Variants in SPATA24 observed in about 807,000 individuals in gnomAD.
SPATA24 encodes the protein spermatogenesis associated 24.
In SPATA24, 21 loss-of-function variants were observed where a neutral mutation model predicts 28.9. The observed-to-expected ratio is 0.73, with a 90% CI of 0.52 to 1.05. The LOEUF (loss-of-function observed/expected upper bound fraction) is 1.05, where lower values mean the gene tolerates loss of function less well. SPATA24 is among the 50% of genes least tolerant of loss of function. The pLI, the probability that SPATA24 is intolerant of heterozygous loss-of-function variation, is 0.00. For missense variants in SPATA24, 215 were observed against 242.9 expected (o/e 0.88, Z 0.76); for synonymous variants, 76 against 89.9 (o/e 0.85, Z 0.88).
chr5:139,404,050 G>A lies in SPATA24; in HGVS notation c.11C>T (p.Pro4Leu), dbSNP rs1488201240. 2.6e-6 allele frequency: 4 copies of A among 1,551,568 alleles called. No individual in the cohort carries two copies. The highest frequency in any genetic ancestry group is 2.4e-5 in the South Asian group (2 of 84,058). ...TGACCCCGCCTTCGACCACCCGAGG[G>A]GCGTCGCCATCTTCCGCCCCCGCCA... is the stretch of plus-strand genomic sequence containing the variant. MAT[P>L]LGWSKAGSGS... The change falls in exon 1 of 6, where the codon CCC becomes CTC. Residue 4 changes from proline to leucine, a missense_variant. Physicochemically the swap from Pro to Leu is moderately conservative, Grantham distance 98 (BLOSUM62 -3). Coordinates refer to ENST00000450845, the MANE Select transcript of SPATA24 (RefSeq NM_194296.2).
Position 139,401,854 on chromosome 5 carries a change from G to A in SPATA24, c.315-29C>T, listed in dbSNP as rs773640297. On this transcript the variant is annotated intron_variant, in intron 3 of 5. Transcript: ENST00000450845. ...GGTGGGGAAGATAAGATGGGAGGGT[G>A]GGCAGGCTAGCAAGCAGATGCATCC... is the stretch of plus-strand genomic sequence containing the variant. 1.9e-5 allele frequency: 30 copies of A among 1,547,360 alleles called. No homozygotes were observed. In the Admixed American group the frequency reaches 5.5e-4, roughly 28 times the overall value.
chr5:139,401,466 A>G (rs1758819502), intron 4 of SPATA24: 1 of 618,704 alleles, frequency 1.6e-6, no homozygotes, highest in Admixed American at 2.7e-5. Flanking sequence ...AACCCATCAA[A>G]AGTGGGAAAA....
At chr5:139,395,222 G>T (rs1025161163), downstream of SPATA24, 65 of 854,244 alleles carry the variant, frequency 7.6e-5, no homozygotes, top group Middle Eastern at 3.7e-4. Context: ...CAGCGGCGCC[G>T]GCAGCAGAAA....
At chr5:139,401,429 T>G in intron 4 of SPATA24, 1 of 605,666 alleles carries the variant, frequency 1.7e-6, no homozygotes, top group Non-Finnish European at 2.9e-6. Flanking sequence ...GTGCTTGCCC[T>G]GTGTTCCTCT....
At chr5:139,402,772 A>AT in intron 1 of SPATA24, 79 bp from the exon 2 acceptor site, 2 of 1,076,266 alleles carry the variant, frequency 1.9e-6, no homozygotes, top group Middle Eastern at 4.5e-4. Flanking sequence ...CCAAAAGCGG[A>AT]TAACAGGATG....
chr5:139,394,058 T>G, downstream of SPATA24: 1 of 1,550,920 alleles, frequency 6.4e-7, no homozygotes, highest in Non-Finnish European at 8.7e-7. Flanking sequence ...TGAAGGAAGA[T>G]GCTGGAACTA....
downstream of SPATA24, chr5:139,395,385 G>C: frequency 3.0e-6 from 1 of 332,448 alleles, no homozygotes; most frequent in Non-Finnish European, 5.4e-6. Flanking sequence ...TTGGAGCCAG[G>C]AGTTAGGCCC....
At chr5:139,397,382 G>T (rs1463955730) in intron 4 of SPATA24, among the ~76,000 whole-genome samples, 1 of 152,138 alleles carries the variant, frequency 6.6e-6, no homozygotes, top group Non-Finnish European at 1.5e-5. Flanking sequence ...CCACATGAGG[G>T]CAGGAGAAGG....
downstream of SPATA24, chr5:139,396,669 C>T: frequency 1.3e-6 from 2 of 1,533,782 alleles, no homozygotes; most frequent in Non-Finnish European, 1.8e-6. Flanking sequence ...AGGCTACAAG[C>T]CCCCACCTTG....
downstream of SPATA24, chr5:139,394,037 T>A: frequency 6.4e-7 from 1 of 1,550,780 alleles, no homozygotes; most frequent in Non-Finnish European, 8.7e-7. Flanking sequence ...TCCTGGATCT[T>A]CTCCTCTGAC....
chr5:139,399,806 G>A (rs1581402094), intron 4 of SPATA24, among the ~76,000 whole-genome samples: 1 of 152,296 alleles, frequency 6.6e-6, no homozygotes, highest in South Asian at 2.1e-4. Flanking sequence ...TTCTGGGGGA[G>A]GCAGCCAGGA....
At chr5:139,393,724 G>A, downstream of SPATA24, 2 of 1,551,308 alleles carry the variant, frequency 1.3e-6, no homozygotes, top group South Asian at 1.2e-5. Context: ...CGGAGGGGAA[G>A]GGCTTCTCCT....
chr5:139,403,479 G>A (rs1758865250), intron 1 of SPATA24, among the ~76,000 whole-genome samples: 1 of 152,208 alleles, frequency 6.6e-6, no homozygotes, highest in African/African-American at 2.4e-5. Context: ...GATTGAGAAG[G>A]CAAAAGCTAA....
At chr5:139,393,527 G>A, downstream of SPATA24, 1 of 1,551,376 alleles carries the variant, frequency 6.4e-7, no homozygotes, top group Non-Finnish European at 8.7e-7. Context: ...CATGTCTCTT[G>A]GGGAGATGGG....
rs758166212 is a variant in SPATA24, at chr5:139,402,679, G to C, written c.132C>G (p.Asp44Glu). The C allele has an allele frequency of 3.9e-6, 6 of 1,551,722 alleles. No homozygotes were observed. In the East Asian group the frequency reaches 1.5e-4, roughly 38 times the overall value. Residue 44 changes from aspartate (D) to glutamate (E), a missense_variant, in exon 2 of 6, where the codon GAC becomes GAG. Coordinates refer to ENST00000450845, the MANE Select transcript of SPATA24 (RefSeq NM_194296.2). ...ACTCTTCTTTACTGACAAAATTTTC[G>C]TCCTGGAGAACCATCTGCAACAGAG... ...HQLRNVMVLQ[D>E]ENFVSKEEFQ...
downstream of SPATA24, chr5:139,396,544 A>T (rs900300862): frequency 2.3e-6 from 3 of 1,302,914 alleles, no homozygotes; most frequent in African/African-American, 4.5e-5. Context: ...TTACCAGGAC[A>T]CTGGGAGTGG....
At chr5:139,394,143 C>G (rs1287519064), downstream of SPATA24, 1 of 1,546,496 alleles carries the variant, frequency 6.5e-7, no homozygotes, top group Admixed American at 2.0e-5. Context: ...TGGGCCACGG[C>G]CTCGGGGCCT....
downstream of SPATA24, chr5:139,394,371 C>T: frequency 7.1e-7 from 1 of 1,413,338 alleles, no homozygotes; most frequent in South Asian, 1.6e-5. Flanking sequence ...GCGACTCGTC[C>T]AGGGAACCGG....
chr5:139,401,589 C>T (rs1307947121), intron 4 of SPATA24, 166 bp downstream of exon 4: 1 of 745,466 alleles, frequency 1.3e-6, no homozygotes, highest in East Asian at 2.7e-5. Context: ...CCGTGGCCTG[C>T]CTGGTCCCTT....
Sources: gnomAD v4.1 joint callset for allele counts (sites outside exome capture counted in the v4.1 genomes callset) on GRCh38, gnomAD v4.1.1 for gene constraint, MANE v1.5 for transcripts, NCBI Gene and HGNC (gene_info 2026-07-23, HGNC 2026-07-21) for gene names.